The following NELL1 variants were observed in gnomAD, a reference collection of about 807,000 sequenced individuals.
NELL1 encodes the protein protein kinase C-binding protein NELL1.
Under a neutral mutation model 107.4 loss-of-function variants are expected in NELL1, and 76 were observed. The ratio of observed to expected loss-of-function variants is 0.71; its 90% CI spans 0.59 to 0.86. NELL1 has a LOEUF of 0.86. NELL1 is among the 40% of genes least tolerant of loss of function. The pLI, the probability that NELL1 is intolerant of heterozygous loss-of-function variation, is 0.00. For synonymous variants in NELL1, 353 were observed against 341.2 expected (o/e 1.03, Z -0.38); for missense variants, 1,024 against 1,005.5 (o/e 1.02, Z -0.25).
At chr11:21,311,760 C>G (rs1178892327) in intron 14 of NELL1, among the ~76,000 whole-genome samples, 6 of 152,114 alleles carry the variant, frequency 3.9e-5, no homozygotes, top group African/African-American at 1.2e-4. Flanking sequence ...AGCTACTTTA[C>G]ATATTGTCTC....
At chr11:21,100,727 T>C (rs1159262827) in intron 12 of NELL1, among the ~76,000 whole-genome samples, 4 of 152,214 alleles carry the variant, frequency 2.6e-5, no homozygotes, top group Non-Finnish European at 4.4e-5. Flanking sequence ...CCCAAGACTC[T>C]GCTATACCAT....
Position 21,309,791 on chromosome 11 carries a change from A to T in NELL1, c.1550-61062A>T, listed in dbSNP as rs539205824. Among the ~76,000 whole-genome samples, 7 of 152,064 alleles carry T rather than the reference A, an allele frequency of 4.6e-5. No homozygotes were observed. The South Asian group carries it at 1.4e-3, about 31-fold the overall frequency. The stretch of plus-strand genomic sequence containing the variant: ...AAAGTCCCAGTTTTGAAACCATCAG[A>T]TCTTGTGAGACTCATTCACTATCAT... On this transcript the variant is annotated intron_variant, in intron 14 of 19. Transcript: ENST00000357134.
chr11:20,897,927 C>G (rs997522341), intron 5 of NELL1, among the ~76,000 whole-genome samples: 2 of 152,146 alleles, frequency 1.3e-5, no homozygotes, highest in African/African-American at 4.8e-5. Context: ...AACACAGGTG[C>G]TGGAGAGGAT....
intron 13 of NELL1, among the ~76,000 whole-genome samples, chr11:21,135,042 A>G (rs1855713674): frequency 6.6e-6 from 1 of 152,194 alleles, no homozygotes; most frequent in African/African-American, 2.4e-5. Flanking sequence ...TACTATTATT[A>G]TAATTTCTGT....
rs575355168 is a variant in NELL1, at chr11:20,783,619, T to C, written c.185-61T>C. Reference sequence around the variant, plus strand: ...TCCTCTTTCTCCTATATTTCTTCTCTACTCCTTCTCCTTCCTCTTCTCCTC... The same window carrying C: ...TCCTCTTTCTCCTATATTTCTTCTCCACTCCTTCTCCTTCCTCTTCTCCTC... On this transcript the variant is annotated intron_variant, in intron 2 of 19. Transcript: ENST00000357134. 5 of 1,246,584 alleles carry C rather than the reference T, an allele frequency of 4.0e-6. No individual in the cohort carries two copies. The East Asian group carries it at 9.9e-5, about 25-fold the overall frequency. The allele number at this position is 1,246,584 out of a possible 1,614,324, so 77.2% of individuals were successfully genotyped here.
intron 12 of NELL1, among the ~76,000 whole-genome samples, chr11:21,033,104 G>A (rs144407667): frequency 6.6e-6 from 1 of 152,146 alleles, no homozygotes; most frequent in African/African-American, 2.4e-5. Flanking sequence ...ATATTCCTTT[G>A]TAGATGATGC....
At chr11:21,524,924 A>G (rs1332223777) in intron 15 of NELL1, among the ~76,000 whole-genome samples, 6 of 152,214 alleles carry the variant, frequency 3.9e-5, no homozygotes, top group Admixed American at 1.3e-4. Flanking sequence ...AATTTGGTAC[A>G]TAGAAACACA....
chr11:20,802,371 T>G (rs11025766), intron 3 of NELL1, among the ~76,000 whole-genome samples: 36,470 of 151,546 alleles, frequency 0.24, 5,014 homozygotes, highest in African/African-American at 0.36. Flanking sequence ...TCTTGATTTC[T>G]TTTTCAGATC....
intron 12 of NELL1, among the ~76,000 whole-genome samples, chr11:20,998,006 A>G (rs996552860): frequency 2.6e-5 from 4 of 152,182 alleles, no homozygotes; most frequent in African/African-American, 9.6e-5. Context: ...GAATAAAAAT[A>G]AAAAATTAAA....
chr11:20,736,465 C>T (rs1046810677), intron 2 of NELL1, among the ~76,000 whole-genome samples: 1 of 146,270 alleles, frequency 6.8e-6, no homozygotes, highest in Non-Finnish European at 1.5e-5. Context: ...CAAAGCTGGC[C>T]CCTGTCATCA....
intron 5 of NELL1, among the ~76,000 whole-genome samples, chr11:20,896,529 G>A (rs1029055247): frequency 4.6e-5 from 7 of 151,954 alleles, no homozygotes; most frequent in Admixed American, 4.6e-4. Flanking sequence ...TTCCACTTTT[G>A]GTTCTTTAAA....
intron 2 of NELL1, among the ~76,000 whole-genome samples, chr11:20,755,263 T>C (rs958898197): frequency 3.3e-5 from 5 of 152,158 alleles, no homozygotes; most frequent in Admixed American, 1.3e-4. Flanking sequence ...GAGAGAATGC[T>C]GCCAATCACC....
At chr11:20,947,212 T>A (rs1360867024) in intron 10 of NELL1, 124 bp from the exon 11 acceptor site, 2 of 629,630 alleles carry the variant, frequency 3.2e-6, no homozygotes, top group Non-Finnish European at 5.7e-6. Flanking sequence ...TTTAGTGGAA[T>A]CCCTGGGAGT....
chr11:20,730,977 C>T (rs1383785911), intron 2 of NELL1, among the ~76,000 whole-genome samples: 6 of 152,304 alleles, frequency 3.9e-5, no homozygotes, highest in Non-Finnish European at 7.4e-5. Flanking sequence ...ACATAGATCT[C>T]TGAAGATTTT....
chr11:21,150,018 C>T (rs1212713172), intron 13 of NELL1, among the ~76,000 whole-genome samples: 1 of 151,910 alleles, frequency 6.6e-6, no homozygotes, highest in African/African-American at 2.4e-5. Flanking sequence ...ATCTGGAGAA[C>T]TGGAAAGAAA....
At chr11:21,170,003 G>A (rs1856569253) in intron 13 of NELL1, 1 of 1,268,030 alleles carries the variant, frequency 7.9e-7, no homozygotes, top group Non-Finnish European at 1.2e-6. Flanking sequence ...TCAGGCTTTT[G>A]AGCACTCAGA....
chr11:21,365,144 A>C (rs1851190170), intron 14 of NELL1, among the ~76,000 whole-genome samples: 1 of 152,192 alleles, frequency 6.6e-6, no homozygotes. Flanking sequence ...GTGCTACTGC[A>C]GTAGCATTTA....
At chr11:21,165,256 A>T (rs1347260003) in intron 13 of NELL1, among the ~76,000 whole-genome samples, 1 of 152,142 alleles carries the variant, frequency 6.6e-6, no homozygotes, top group Non-Finnish European at 1.5e-5. Flanking sequence ...ATGGCCTGGA[A>T]TTTGTCCATT....
intron 12 of NELL1, among the ~76,000 whole-genome samples, chr11:21,016,552 T>A (rs1852569546): frequency 6.6e-6 from 1 of 152,086 alleles, no homozygotes; most frequent in South Asian, 2.1e-4. Context: ...CCCAGTCACC[T>A]CTTGGTGCCT....
Sources: gnomAD v4.1 joint callset for allele counts (sites outside exome capture counted in the v4.1 genomes callset) on GRCh38, gnomAD v4.1.1 for gene constraint, MANE v1.5 for transcripts, NCBI Gene and HGNC (gene_info 2026-07-23, HGNC 2026-07-21) for gene names.